PHTF2: variants seen among roughly 807,000 people sequenced by gnomAD.
PHTF2 encodes the protein putative homeodomain transcription factor 2.
In PHTF2, 60 loss-of-function variants were observed where a neutral mutation model predicts 101.2. The ratio of observed to expected loss-of-function variants is 0.59; its 90% CI spans 0.48 to 0.73. PHTF2 has a LOEUF of 0.73. Ranked by LOEUF, PHTF2 falls within the 30% of genes least tolerant of loss-of-function variation. The pLI is 0.00. For missense variants in PHTF2, 747 were observed against 908.7 expected (o/e 0.82, Z 2.29); for synonymous variants, 311 against 307.3 (o/e 1.01, Z -0.13).
At chr7:77,946,172 C>T (rs181405681) in intron 16 of PHTF2, among the ~76,000 whole-genome samples, 203 of 152,192 alleles carry the variant, frequency 1.3e-3, no homozygotes, top group Middle Eastern at 0.01. Context: ...TCCATTAATG[C>T]AATTTAAGCT....
At chr7:77,804,389 G>A in intron 1 of PHTF2, among the ~76,000 whole-genome samples, 1 of 152,166 alleles carries the variant, frequency 6.6e-6, no homozygotes, top group Admixed American at 6.5e-5. Flanking sequence ...GCAGTGGTGC[G>A]ATCTTGGCTC....
chr7:77,801,580 G>T (rs945572880), intron 1 of PHTF2, among the ~76,000 whole-genome samples: 1 of 152,092 alleles, frequency 6.6e-6, no homozygotes, highest in Non-Finnish European at 1.5e-5. Flanking sequence ...GCAAGACACC[G>T]TCTCAAAAAC....
intron 3 of PHTF2, among the ~76,000 whole-genome samples, chr7:77,860,644 C>T (rs1408579413): frequency 6.6e-6 from 1 of 152,152 alleles, no homozygotes; most frequent in Non-Finnish European, 1.5e-5. Context: ...CACTTCCTCT[C>T]CCTTCTGTTC....
At chr7:77,923,363 A>G (rs947207902) in intron 11 of PHTF2, 1 of 968,638 alleles carries the variant, frequency 1.0e-6, no homozygotes, top group African/African-American at 1.8e-5. Flanking sequence ...CAAATAAATT[A>G]CACTGTTTAT....
At chr7:77,867,386 T>G (rs1281081464) in intron 3 of PHTF2, among the ~76,000 whole-genome samples, 1 of 152,206 alleles carries the variant, frequency 6.6e-6, no homozygotes, top group African/African-American at 2.4e-5. Flanking sequence ...CCAGGTTGTC[T>G]GTGTTTGAAT....
Position 77,842,696 on chromosome 7 carries a change from C to G in PHTF2, c.45+2396C>G, listed in dbSNP as rs17158681. On this transcript the variant is annotated intron_variant, in intron 2 of 19. Coordinates refer to ENST00000416283, the Ensembl canonical transcript of PHTF2. The stretch of plus-strand genomic sequence containing the variant: ...GTTCTCCCACTCCTCATCCTAATAA[C>G]TTTTGATGGAATACTGGCATTTATG... 5.6e-3 allele frequency among the ~76,000 whole-genome samples: 855 copies of G among 152,284 alleles called. 8 individuals are homozygous for G. The highest frequency in any genetic ancestry group is 0.019 in the African/African-American group (810 of 41,556).
intron 1 of PHTF2, among the ~76,000 whole-genome samples, chr7:77,830,217 T>G (rs1794977185): frequency 6.6e-6 from 1 of 152,222 alleles, no homozygotes; most frequent in African/African-American, 2.4e-5. Context: ...GCAGTCCCCC[T>G]TATCTGTGAG....
At chr7:77,900,243 T>G (rs1338072796) in intron 5 of PHTF2, among the ~76,000 whole-genome samples, 2 of 152,154 alleles carry the variant, frequency 1.3e-5, no homozygotes, top group African/African-American at 2.4e-5. Flanking sequence ...CTCAGCTGAT[T>G]GGCGTCTGCT....
intron 16 of PHTF2, among the ~76,000 whole-genome samples, chr7:77,944,360 C>T (rs1399387249): frequency 6.6e-6 from 1 of 152,160 alleles, no homozygotes; most frequent in East Asian, 1.9e-4. Flanking sequence ...TGCTCACCAG[C>T]ACTGGACGAC....
chr7:77,805,434 T>C (rs1257207365), intron 1 of PHTF2, among the ~76,000 whole-genome samples: 1 of 152,230 alleles, frequency 6.6e-6, no homozygotes, highest in African/African-American at 2.4e-5. Context: ...TTATTTTTGT[T>C]TCTACTGTTT....
intron 11 of PHTF2, among the ~76,000 whole-genome samples, chr7:77,926,160 C>T (rs1351922244): frequency 6.6e-6 from 1 of 152,116 alleles, no homozygotes; most frequent in Admixed American, 6.6e-5. Flanking sequence ...AATTAGTTTC[C>T]GTTAAAGTCA....
In PHTF2 at chr7:77,909,917, C is replaced by A. The variant is rs946812389; in HGVS notation, c.612-328C>A. On this transcript the variant is annotated intron_variant, in intron 8 of 19. Coordinates refer to ENST00000416283, the Ensembl canonical transcript of PHTF2. ...AAATTAGATTATAATTCTCTCCAATCTAAATTTTCTTCTTTCTTCATCTGC... is the reference window on the plus strand; with the variant it reads ...AAATTAGATTATAATTCTCTCCAATATAAATTTTCTTCTTTCTTCATCTGC... 1.7e-5 allele frequency: 3 copies of A among 173,102 alleles called. No individual in the cohort carries two copies. In the Admixed American group the frequency reaches 1.8e-4, roughly 11 times the overall value. The allele number at this position is 173,102 out of a possible 1,614,324, so 10.7% of individuals were successfully genotyped here.
At chr7:77,864,925 C>T (rs2150688739) in intron 3 of PHTF2, among the ~76,000 whole-genome samples, 1 of 152,128 alleles carries the variant, frequency 6.6e-6, no homozygotes, top group Non-Finnish European at 1.5e-5. Flanking sequence ...CATATGTTTC[C>T]ACCTGTTGGA....
chr7:77,825,346 C>T (rs920953207), intron 1 of PHTF2, among the ~76,000 whole-genome samples: 7 of 152,162 alleles, frequency 4.6e-5, no homozygotes, highest in Middle Eastern at 3.2e-3. Context: ...TGCGATATCT[C>T]ATTCATACTT....
At chr7:77,842,145 C>T (rs1795934257) in intron 2 of PHTF2, among the ~76,000 whole-genome samples, 1 of 152,114 alleles carries the variant, frequency 6.6e-6, no homozygotes, top group Non-Finnish European at 1.5e-5. Context: ...TTCTCCAGAG[C>T]AACTATAGGA....
At chr7:77,887,390 C>A (rs1241901613) in intron 3 of PHTF2, among the ~76,000 whole-genome samples, 3 of 151,126 alleles carry the variant, frequency 2.0e-5, no homozygotes, top group Non-Finnish European at 4.4e-5. Context: ...ACCCTTCTTA[C>A]TGCTTTCAGG....
At chr7:77,921,794 G>A (rs113524928) in intron 10 of PHTF2, among the ~76,000 whole-genome samples, 1 of 152,046 alleles carries the variant, frequency 6.6e-6, no homozygotes, top group South Asian at 2.1e-4. Context: ...ATTTAATTTC[G>A]TAATTTCTAA....
intron 5 of PHTF2, among the ~76,000 whole-genome samples, chr7:77,894,250 G>A (rs1256760491): frequency 6.6e-6 from 1 of 152,166 alleles, no homozygotes; most frequent in East Asian, 1.9e-4. Flanking sequence ...TTGCTAGCAT[G>A]AAAACTGTTT....
intron 9 of PHTF2, among the ~76,000 whole-genome samples, chr7:77,916,231 A>G (rs540868687): frequency 1.3e-4 from 20 of 152,290 alleles, no homozygotes; most frequent in African/African-American, 4.6e-4. Context: ...AGAATTTTAC[A>G]ATATTTGTTT....
Sources: gnomAD v4.1 joint callset for allele counts (sites outside exome capture counted in the v4.1 genomes callset) on GRCh38, gnomAD v4.1.1 for gene constraint, MANE v1.5 for transcripts, NCBI Gene and HGNC (gene_info 2026-07-23, HGNC 2026-07-21) for gene names.